CHD9: variants seen among roughly 807,000 people sequenced by gnomAD.
The protein encoded by CHD9 is chromodomain helicase DNA binding protein 9, also known as ATP-dependent chromatin remodeler CHD9.
Under a neutral mutation model 316.1 loss-of-function variants are expected in CHD9, and 77 were observed. The ratio of observed to expected loss-of-function variants is 0.24; its 90% CI spans 0.20 to 0.29. CHD9 has a LOEUF of 0.29. Ranked by LOEUF, CHD9 falls within the 10% of genes least tolerant of loss-of-function variation. The probability of loss-of-function intolerance (pLI) is 1.00; values close to 1 mark genes in which losing one functional copy is unlikely to be tolerated. For synonymous variants in CHD9, 1,129 were observed against 1,158.3 expected, an observed-to-expected ratio of 0.97 and a Z score of 0.51; for missense variants, 2,763 against 3,438.1, an observed-to-expected ratio of 0.80 and a Z score of 4.91.
intron 2 of CHD9, among the ~76,000 whole-genome samples, chr16:53,206,758 C>T (rs1023035468): frequency 6.6e-6 from 1 of 152,188 alleles, no homozygotes; most frequent in Non-Finnish European, 1.5e-5. Context: ...TTTGCTCTCT[C>T]AGTTCCATTC....
At position 53,290,485 on chromosome 16, in the gene CHD9, C is replaced by CA. The variant is rs61676694; in HGVS notation, c.5248-1228dup. Among the ~76,000 whole-genome samples, 308 of 146,424 alleles carry CA rather than the reference C, an allele frequency of 2.1e-3. 3 individuals carry two copies. In the East Asian group the frequency reaches 0.047, roughly 22 times the overall value. On this transcript the variant is annotated intron_variant, in intron 27 of 38. Coordinates refer to ENST00000447540, the MANE Select transcript of CHD9 (RefSeq NM_001308319.2). ...TGTTTAACTATTTTCTTAGAGCAGG[C>CA]AAAAAAAAAAAAGTATGAGAGGAGC...
intron 2 of CHD9, among the ~76,000 whole-genome samples, chr16:53,186,529 G>T (rs1243965224): frequency 6.6e-6 from 1 of 152,158 alleles, no homozygotes; most frequent in Non-Finnish European, 1.5e-5. Context: ...GCTGAAATAA[G>T]ACTTCGAGGG....
intron 38 of CHD9, 56 bp downstream of exon 38, chr16:53,321,686 A>G (rs2057281009): frequency 2.3e-6 from 2 of 885,976 alleles, no homozygotes; most frequent in Non-Finnish European, 1.7e-6. Flanking sequence ...GTGCCATTCA[A>G]TTATATCTTA....
intron 1 of CHD9, among the ~76,000 whole-genome samples, chr16:53,125,179 G>A (rs187742155): frequency 5.6e-4 from 84 of 149,726 alleles, no homozygotes; most frequent in Non-Finnish European, 1.1e-3. Context: ...ACCCTTATCA[G>A]ATACAGACTG....
intron 2 of CHD9, among the ~76,000 whole-genome samples, chr16:53,201,845 G>GTT (rs796703916): frequency 1.4e-5 from 2 of 143,172 alleles, no homozygotes; most frequent in Admixed American, 7.0e-5. Context: ...TCAGTTTGAG[G>GTT]TTTTTTTTTT....
chr16:53,193,739 A>G (rs922967103), intron 2 of CHD9, among the ~76,000 whole-genome samples: 7 of 152,160 alleles, frequency 4.6e-5, no homozygotes, highest in African/African-American at 1.4e-4. Context: ...TGCATGTCAG[A>G]TACTGTTCTG....
intron 1 of CHD9, among the ~76,000 whole-genome samples, chr16:53,125,594 G>A (rs1225421395): frequency 6.6e-6 from 1 of 152,078 alleles, no homozygotes; most frequent in Non-Finnish European, 1.5e-5. Context: ...AGTAGAAATT[G>A]TACTTTGAAT....
At chr16:53,097,396 CTTCCTTCCTTCT>C (rs2036478372) in intron 1 of CHD9, among the ~76,000 whole-genome samples, 1 of 149,202 alleles carries the variant, frequency 6.7e-6, no homozygotes, top group Non-Finnish European at 1.5e-5. Flanking sequence ...TCCTTCCTTC[CTTCCTTCCTTCT>C]TTCTCTTTCT....
At chr16:53,301,815 G>T (rs1409509415) in intron 30 of CHD9, among the ~76,000 whole-genome samples, 1 of 145,090 alleles carries the variant, frequency 6.9e-6, no homozygotes, top group Non-Finnish European at 1.5e-5. Context: ...GCCCAGGCTG[G>T]TATGCAGTGG....
At chr16:53,286,993 T>C (rs2053933319) in intron 26 of CHD9, among the ~76,000 whole-genome samples, 1 of 152,144 alleles carries the variant, frequency 6.6e-6, no homozygotes, top group Admixed American at 6.5e-5. Context: ...AGGGTCTTGC[T>C]CTGTCATCTA....
At chr16:53,212,420 A>ATT (rs549427641) in intron 3 of CHD9, among the ~76,000 whole-genome samples, 6 of 147,386 alleles carry the variant, frequency 4.1e-5, no homozygotes, top group South Asian at 2.2e-4. Context: ...AAAAAAAAAA[A>ATT]TTTTTTTTAA....
In CHD9 at chr16:53,150,899, A is replaced by G. The variant is rs570740449; in HGVS notation, c.-164-5027A>G. On this transcript the variant is annotated intron_variant, in intron 1 of 38. Coordinates refer to ENST00000447540, the MANE Select transcript of CHD9 (RefSeq NM_001308319.2). The stretch of plus-strand genomic sequence containing the variant: ...TCTTTTTTCTCTTGCCACTTTCAAG[A>G]TTCTCTTTGTCTTTTGACAAATTGA... 4.8e-4 allele frequency among the ~76,000 whole-genome samples: 73 copies of G among 152,214 alleles called. 2 individuals are homozygous for G. The South Asian group carries it at 0.013, about 28-fold the overall frequency.
chr16:53,131,544 C>T (rs972891355), intron 1 of CHD9, among the ~76,000 whole-genome samples: 1 of 151,128 alleles, frequency 6.6e-6, no homozygotes, highest in African/African-American at 2.4e-5. Flanking sequence ...CGGCCCACAG[C>T]CCCCGGGGTC....
intron 30 of CHD9, among the ~76,000 whole-genome samples, chr16:53,301,767 C>CTTTTTTTTTTTTTTTTT (rs199846098): frequency 1.6e-5 from 2 of 126,228 alleles, no homozygotes; most frequent in Admixed American, 8.1e-5. Flanking sequence ...TCTTTTTTTT[C>CTTTTTTTTTTTTTTTTT]TTTTTTTTTT....
intron 1 of CHD9, among the ~76,000 whole-genome samples, chr16:53,079,370 G>A (rs977742293): frequency 1.3e-5 from 2 of 152,190 alleles, no homozygotes; most frequent in Non-Finnish European, 2.9e-5. Flanking sequence ...CAATGACTTA[G>A]CATAAAATGC....
intron 29 of CHD9, among the ~76,000 whole-genome samples, chr16:53,294,766 T>A (rs1246559719): frequency 1.3e-5 from 2 of 152,248 alleles, no homozygotes; most frequent in African/African-American, 4.8e-5. Context: ...TACCCGTTAA[T>A]GGAAAGAGTG....
chr16:53,314,447 G>T lies in CHD9; in HGVS notation c.7293G>T (p.Arg2431Ser). ...ACAACCAGCCTATAGTCAAAAAAAG[G>T]CGAGGAAGGAGGAAGAATGTAGAAG... Reference protein sequence around the residue: ...ILDNQPIVKKRRGRRKNVEGV... With the variant: ...ILDNQPIVKKSRGRRKNVEGV... Residue 2431 changes from arginine to serine, a missense_variant, in exon 35 of 39, where the codon AGG (arginine) becomes AGT (serine). Coordinates refer to ENST00000447540, the MANE Select transcript of CHD9 (RefSeq NM_001308319.2). The T allele has an allele frequency of 6.3e-7, 1 of 1,587,604 alleles. No individual in the cohort carries two copies. Among genetic ancestry groups the T allele is most frequent in the East Asian group, 2.3e-5 (1 of 44,148 alleles).
At chr16:53,234,611 A>T (rs1305230959) in intron 10 of CHD9, among the ~76,000 whole-genome samples, 2 of 151,626 alleles carry the variant, frequency 1.3e-5, no homozygotes, top group Non-Finnish European at 2.9e-5. Context: ...TTTATGTTTT[A>T]TGTTTTTTTA....
Position 53,157,241 on chromosome 16 carries a change from A to T in CHD9, c.1152A>T (p.Ser384=). 6.2e-7 allele frequency: 1 copy of T among 1,600,266 alleles called. No homozygotes were observed. The highest frequency in any genetic ancestry group is 8.5e-7 in the Non-Finnish European group (1 of 1,172,474). Residue 384 remains serine (S), a synonymous_variant, in exon 2 of 39, where the codon TCA becomes TCT. Coordinates refer to ENST00000447540, the MANE Select transcript of CHD9 (RefSeq NM_001308319.2). ...FNDHVETNGF[S]SLEENLLHQV... ...ATCATGTAGAAACTAATGGCTTTTC[A>T]TCTTTAGAAGAGAATTTACTTCATC...
Sources: allele counts gnomAD v4.1 joint callset (sites outside exome capture counted in the v4.1 genomes callset), GRCh38; gene constraint gnomAD v4.1.1; transcripts MANE v1.5; gene names NCBI Gene and HGNC (gene_info 2026-07-23, HGNC 2026-07-21).